Variants in CUL2 observed in about 807,000 individuals in gnomAD.
CUL2 encodes cullin 2, also known as cullin-2.
Under a neutral mutation model 110.2 loss-of-function variants are expected in CUL2, and 22 were observed. That is an observed-to-expected ratio of 0.20 (90% CI 0.14 to 0.28). The LOEUF (loss-of-function observed/expected upper bound fraction) is 0.28. Among genes scored for constraint, CUL2 ranks in the 10% least tolerant of loss-of-function variants. The pLI is 1.00. For missense variants in CUL2, 631 were observed against 905.5 expected, an observed-to-expected ratio of 0.70 and a Z score of 3.89; for synonymous variants, 279 against 293.2, an observed-to-expected ratio of 0.95 and a Z score of 0.49.
At chr10:35,024,260 T>G (rs2085283251) in intron 17 of CUL2, among the ~76,000 whole-genome samples, 2 of 152,150 alleles carry the variant, frequency 1.3e-5, no homozygotes, top group South Asian at 4.1e-4. Flanking sequence ...ATATAAGTAA[T>G]GCAAAATGTA....
intron 17 of CUL2, among the ~76,000 whole-genome samples, chr10:35,017,867 T>C (rs1481459051): frequency 7.4e-6 from 1 of 134,298 alleles, no homozygotes; most frequent in Non-Finnish European, 1.6e-5. Context: ...TAATGTTCCA[T>C]ACGTGTTTAA....
At chr10:35,101,666 C>T (rs1280179709) in intron 1 of CUL2, among the ~76,000 whole-genome samples, 2 of 152,198 alleles carry the variant, frequency 1.3e-5, no homozygotes, top group East Asian at 3.9e-4. Flanking sequence ...CTCGTTTCTT[C>T]TGAATCAACT....
At chr10:35,084,541 T>C (rs750380601) in intron 1 of CUL2, among the ~76,000 whole-genome samples, 56 of 152,184 alleles carry the variant, frequency 3.7e-4, no homozygotes, top group Non-Finnish European at 6.8e-4. Context: ...TAGAAATCTA[T>C]ACATTCTTAA....
At chr10:35,042,851 C>T (rs896229228) in intron 8 of CUL2, among the ~76,000 whole-genome samples, 14 of 152,106 alleles carry the variant, frequency 9.2e-5, no homozygotes, top group African/African-American at 2.9e-4. Flanking sequence ...GAAAGCCAGT[C>T]GGTCAGTAGT....
rs1352082803 is a variant in CUL2, at chr10:35,090,184, G to A, written c.-28C>T. 1 of 152,940 alleles carries A rather than the reference G, an allele frequency of 6.5e-6. No individual in the cohort carries two copies. Among genetic ancestry groups the A allele is most frequent in the Admixed American group, 6.5e-5 (1 of 15,280 alleles). 9.5% of individuals were successfully genotyped at this position (152,940 alleles called of 1,614,324 possible). A position where few individuals can be genotyped will look rare whatever the true frequency, so the allele number is the denominator to read the frequency against. On this transcript the variant is annotated 5_prime_UTR_variant, in exon 1 of 21. Transcript: ENST00000374749. The stretch of plus-strand genomic sequence containing the variant: ...CCGACCCTCAGCGGGGTTACCTTCT[G>A]CAGAAGCAGGGCAAGGGGCAGGGGA...
At chr10:35,080,663 C>T (rs1317184583) in intron 1 of CUL2, among the ~76,000 whole-genome samples, 2 of 151,954 alleles carry the variant, frequency 1.3e-5, no homozygotes, top group Non-Finnish European at 2.9e-5. Flanking sequence ...ACTATGTTGC[C>T]CAGGCTGGTC....
In CUL2 at chr10:35,033,156, TA is replaced by T; in HGVS notation, c.1110+9del. The T allele has an allele frequency of 6.3e-7, 1 of 1,584,126 alleles. No individual in the cohort carries two copies. The highest frequency in any genetic ancestry group is 8.7e-7 in the Non-Finnish European group (1 of 1,154,186). ...TGTACATATATAGTATATATGTATT[TA>T]AAACTTACCTTATCCAACGCACTCA... is the stretch of plus-strand genomic sequence containing the variant. On this transcript the variant is annotated intron_variant, in intron 11 of 20. Transcript: ENST00000374749.
intron 14 of CUL2, among the ~76,000 whole-genome samples, 178 bp from the exon 15 acceptor site, chr10:35,029,818 A>C (rs2085436656): frequency 6.6e-6 from 1 of 152,236 alleles, no homozygotes; most frequent in Non-Finnish European, 1.5e-5. Context: ...AACCTTTCAA[A>C]CTTTCTTTTT....
At chr10:35,013,344 CAA>C (rs71523352) in intron 19 of CUL2, among the ~76,000 whole-genome samples, 16 of 83,682 alleles carry the variant, frequency 1.9e-4, no homozygotes, top group Admixed American at 6.8e-4. Flanking sequence ...GACTCCGTCT[CAA>C]AAAAAAAAAA....
intron 5 of CUL2, among the ~76,000 whole-genome samples, chr10:35,050,329 A>G (rs1248217040): frequency 6.6e-6 from 1 of 152,272 alleles, no homozygotes; most frequent in East Asian, 1.9e-4. Context: ...TCTCAAAAAA[A>G]AAAAAAAAAC....
intron 2 of CUL2, among the ~76,000 whole-genome samples, chr10:35,100,314 G>C (rs1316316920): frequency 6.6e-6 from 1 of 152,098 alleles, no homozygotes; most frequent in Non-Finnish European, 1.5e-5. Context: ...GGATAAATCT[G>C]CTGGGCCTTT....
chr10:35,078,312 T>G (rs568059434), intron 1 of CUL2, among the ~76,000 whole-genome samples: 7 of 151,654 alleles, frequency 4.6e-5, no homozygotes, highest in African/African-American at 1.5e-4. Flanking sequence ...TTTTTTTTTT[T>G]GAGATGGAGT....
intron 1 of CUL2, among the ~76,000 whole-genome samples, chr10:35,115,747 T>G (rs1399991612): frequency 6.6e-6 from 1 of 151,006 alleles, no homozygotes; most frequent in African/African-American, 2.4e-5. Flanking sequence ...AATACAAAAA[T>G]TAGCTGGGTG....
chr10:35,047,541 C>T lies in CUL2; in HGVS notation c.506+2142G>A, dbSNP rs1383584092. On this transcript the variant is annotated intron_variant, in intron 6 of 20. Transcript: ENST00000374749. ...AGAAGAATCGCTTGAACCCAGCAGG[C>T]AGAAGTTGCAATGAGCTAAGATCGT... 2.7e-5 allele frequency among the ~76,000 whole-genome samples: 4 copies of T among 146,450 alleles called. No individual in the cohort carries two copies. The East Asian group carries it at 6.0e-4, about 22-fold the overall frequency.
At position 35,023,925 on chromosome 10, in the gene CUL2, C is replaced by T. The variant is rs574373910; in HGVS notation, c.1684+1207G>A. 7.3e-3 allele frequency among the ~76,000 whole-genome samples: 1,108 copies of T among 152,210 alleles called. 9 individuals are homozygous for T. The highest frequency in any genetic ancestry group is 0.012 in the South Asian group (60 of 4,814). Reference sequence around the variant, plus strand: ...TCATGGCTCACTGCAGCCTCCAGCTCGTGGGCTCAAGTGATCCTCCCATCT... The same window carrying T: ...TCATGGCTCACTGCAGCCTCCAGCTTGTGGGCTCAAGTGATCCTCCCATCT... On this transcript the variant is annotated intron_variant, in intron 17 of 20. Transcript: ENST00000374749.
intron 2 of CUL2, among the ~76,000 whole-genome samples, chr10:35,064,289 A>G (rs1408265137): frequency 8.5e-5 from 13 of 152,236 alleles, no homozygotes; most frequent in Non-Finnish European, 8.8e-5. Flanking sequence ...CTGATGATTC[A>G]GGATGAAGTC....
intron 12 of CUL2, among the ~76,000 whole-genome samples, chr10:35,032,003 C>T (rs1442223711): frequency 6.6e-6 from 1 of 152,078 alleles, no homozygotes; most frequent in Non-Finnish European, 1.5e-5. Flanking sequence ...AATAAAGCAA[C>T]TGATATAAGT....
chr10:35,030,668 C>G (rs1340844680), intron 14 of CUL2, among the ~76,000 whole-genome samples: 2 of 152,130 alleles, frequency 1.3e-5, no homozygotes, highest in Non-Finnish European at 2.9e-5. Context: ...TAGGCATGAA[C>G]CACCACACCT....
chr10:35,039,173 T>C, intron 8 of CUL2, 91 bp from the exon 9 acceptor site: 2 of 690,892 alleles, frequency 2.9e-6, no homozygotes, highest in Non-Finnish European at 4.5e-6. Flanking sequence ...CAAATTTTAA[T>C]GGCTGAATTA....
Sources: allele counts gnomAD v4.1 joint callset (sites outside exome capture counted in the v4.1 genomes callset), GRCh38; gene constraint gnomAD v4.1.1; transcripts MANE v1.5; gene names NCBI Gene and HGNC (gene_info 2026-07-23, HGNC 2026-07-21).